SPIDR: variants seen among roughly 807,000 people sequenced by gnomAD.
The protein encoded by SPIDR is scaffold protein involved in DNA repair, also known as DNA repair-scaffolding protein.
In SPIDR, 93 loss-of-function variants were observed where a neutral mutation model predicts 104.6. That is an observed-to-expected ratio of 0.89 (90% CI 0.75 to 1.06). The LOEUF is 1.06. SPIDR is among the 50% of genes least tolerant of loss of function. The pLI, the probability that SPIDR is intolerant of heterozygous loss-of-function variation, is 0.00. For missense variants in SPIDR, 1,154 were observed against 1,111.2 expected (o/e 1.04, Z -0.55); for synonymous variants, 431 against 416.9 (o/e 1.03, Z -0.41).
chr8:47,429,612 A>G (rs954581999), intron 7 of SPIDR, among the ~76,000 whole-genome samples: 8 of 151,696 alleles, frequency 5.3e-5, no homozygotes, highest in African/African-American at 1.5e-4. Flanking sequence ...ATGTTACAAC[A>G]TGGCATCACA....
chr8:47,504,995 T>A (rs1226376963), intron 8 of SPIDR, among the ~76,000 whole-genome samples: 1 of 152,106 alleles, frequency 6.6e-6, no homozygotes, highest in African/African-American at 2.4e-5. Flanking sequence ...CTCTGGAAGT[T>A]TTGTCTCAGC....
At chr8:47,583,910 C>A in intron 8 of SPIDR, among the ~76,000 whole-genome samples, 1 of 152,194 alleles carries the variant, frequency 6.6e-6, no homozygotes, top group East Asian at 1.9e-4. Flanking sequence ...ACAACCTTTT[C>A]CTTTACAGTG....
intron 8 of SPIDR, among the ~76,000 whole-genome samples, chr8:47,507,886 G>A (rs2081722701): frequency 6.6e-6 from 1 of 152,200 alleles, no homozygotes; most frequent in African/African-American, 2.4e-5. Context: ...CCACTCTTCT[G>A]TTTTGACTTC....
At chr8:47,520,852 C>T (rs1296939353) in intron 8 of SPIDR, among the ~76,000 whole-genome samples, 3 of 152,166 alleles carry the variant, frequency 2.0e-5, no homozygotes, top group Non-Finnish European at 4.4e-5. Context: ...TTGCTGATGG[C>T]CCTGAGAAAA....
intron 7 of SPIDR, among the ~76,000 whole-genome samples, chr8:47,427,776 A>G (rs2066664971): frequency 6.6e-6 from 1 of 152,284 alleles, no homozygotes; most frequent in East Asian, 1.9e-4. Flanking sequence ...GCGTGTAGCC[A>G]GAAATCTGGT....
intron 6 of SPIDR, among the ~76,000 whole-genome samples, chr8:47,402,337 C>G (rs915866046): frequency 1.2e-4 from 18 of 152,136 alleles, no homozygotes; most frequent in South Asian, 6.2e-4. Context: ...TAGCAGAAGG[C>G]AAGAAATAAC....
chr8:47,591,211 T>G (rs2060971583), intron 8 of SPIDR, among the ~76,000 whole-genome samples: 1 of 150,396 alleles, frequency 6.6e-6, no homozygotes, highest in Non-Finnish European at 1.5e-5. Flanking sequence ...TTTTTTTTTT[T>G]GTTTTATTTT....
intron 6 of SPIDR, among the ~76,000 whole-genome samples, chr8:47,401,408 G>C (rs1231606478): frequency 6.6e-6 from 1 of 152,158 alleles, no homozygotes; most frequent in Non-Finnish European, 1.5e-5. Context: ...TTGAGGCTAG[G>C]AAGAAACTGC....
chr8:47,595,786 T>C (rs377023535), intron 8 of SPIDR, 25 bp from the exon 9 acceptor site: 238 of 1,607,184 alleles, frequency 1.5e-4, no homozygotes, highest in Non-Finnish European at 2.0e-4. Flanking sequence ...GCAAAGAAAC[T>C]GTTGCATGTC....
chr8:47,441,662 A>G (rs1585765033), intron 8 of SPIDR, among the ~76,000 whole-genome samples: 1 of 151,996 alleles, frequency 6.6e-6, no homozygotes, highest in Non-Finnish European at 1.5e-5. Flanking sequence ...TCTGTGGTTG[A>G]TTTTAGCCAT....
chr8:47,704,504 G>C (rs1003497958), intron 14 of SPIDR, among the ~76,000 whole-genome samples: 13 of 152,196 alleles, frequency 8.5e-5, no homozygotes, highest in African/African-American at 3.1e-4. Flanking sequence ...TCAGTTACCT[G>C]GTGCCCTGGG....
intron 5 of SPIDR, among the ~76,000 whole-genome samples, chr8:47,376,702 T>C (rs951037311): frequency 3.3e-5 from 5 of 152,188 alleles, no homozygotes; most frequent in African/African-American, 1.2e-4. Context: ...ACTATACTTG[T>C]AGTGTAGGTC....
chr8:47,408,269 G>C (rs144591368), intron 7 of SPIDR, among the ~76,000 whole-genome samples: 1,618 of 152,086 alleles, frequency 0.011, 10 homozygotes, highest in Non-Finnish European at 0.016. Context: ...AATTTATTTT[G>C]TTTTATTTCA....
At chr8:47,401,995 C>T (rs1554663367) in intron 6 of SPIDR, among the ~76,000 whole-genome samples, 1 of 152,208 alleles carries the variant, frequency 6.6e-6, no homozygotes, top group Non-Finnish European at 1.5e-5. Context: ...TAATAGACAT[C>T]TACAGAACTC....
chr8:47,304,583 G>T (rs2042806390), intron 5 of SPIDR, among the ~76,000 whole-genome samples: 1 of 152,126 alleles, frequency 6.6e-6, no homozygotes, highest in African/African-American at 2.4e-5. Context: ...CATGTGAAGT[G>T]TCTGCTTCCT....
At chr8:47,415,145 C>T (rs1215046763) in intron 7 of SPIDR, among the ~76,000 whole-genome samples, 1 of 152,122 alleles carries the variant, frequency 6.6e-6, no homozygotes, top group Non-Finnish European at 1.5e-5. Context: ...CCTCGTGATC[C>T]TCCCGCCTCG....
At chr8:47,412,360 A>G (rs2063654805) in intron 7 of SPIDR, among the ~76,000 whole-genome samples, 1 of 152,238 alleles carries the variant, frequency 6.6e-6, no homozygotes, top group Admixed American at 6.5e-5. Flanking sequence ...GACACAAAAA[A>G]AGAATTTAAT....
At position 47,712,702 on chromosome 8, in the gene SPIDR, T is replaced by C; in HGVS notation, c.2018T>C (p.Leu673Pro). The change falls in exon 15 of 20, where the codon CTG becomes CCG. Residue 673 changes from leucine (L) to proline (P), a missense_variant. Physicochemically the swap from Leu to Pro is moderately conservative, Grantham distance 98. Transcript: ENST00000297423. Reference sequence around the variant, plus strand: ...CTTCTGGAGCAAAGGGAGATCTGGCTGCTAGTGACCGATGTCACTCTGCAA... The same window carrying C: ...CTTCTGGAGCAAAGGGAGATCTGGCCGCTAGTGACCGATGTCACTCTGCAA... The part of the protein sequence containing the change: ...LLLLEQREIW[L>P]LVTDVTLQTK... 1 of 1,614,224 alleles carries C rather than the reference T, an allele frequency of 6.2e-7. No individual in the cohort carries two copies. Among genetic ancestry groups the C allele is most frequent in the Non-Finnish European group, 8.5e-7 (1 of 1,180,020 alleles).
chr8:47,659,410 A>C (rs2073627757), intron 10 of SPIDR, among the ~76,000 whole-genome samples: 1 of 152,282 alleles, frequency 6.6e-6, no homozygotes, highest in Non-Finnish European at 1.5e-5. Context: ...TTTTAAATGA[A>C]TAAAAAACAT....
Sources: gnomAD v4.1 joint callset for allele counts (sites outside exome capture counted in the v4.1 genomes callset) on GRCh38, gnomAD v4.1.1 for gene constraint, MANE v1.5 for transcripts, NCBI Gene and HGNC (gene_info 2026-07-23, HGNC 2026-07-21) for gene names.